Variants in HIVEP1 observed in about 807,000 individuals in gnomAD.
HIVEP1 encodes the protein zinc finger protein 40.
In HIVEP1, 36 loss-of-function variants were observed where a neutral mutation model predicts 180.0. That is an observed-to-expected ratio of 0.20 (90% CI 0.15 to 0.26). The LOEUF is 0.26. HIVEP1 is among the 10% of genes least tolerant of loss of function. The probability of loss-of-function intolerance (pLI) is 1.00; values close to 1 mark genes in which losing one functional copy is unlikely to be tolerated. For synonymous variants in HIVEP1, 1,239 were observed against 1,239.0 expected (o/e 1.00, Z 0.00); for missense variants, 3,143 against 3,268.7 (o/e 0.96, Z 0.94).
chr6:12,042,676 T>A (rs1235297190), intron 2 of HIVEP1, among the ~76,000 whole-genome samples: 2 of 152,092 alleles, frequency 1.3e-5, no homozygotes, highest in African/African-American at 4.8e-5. Context: ...CAAATAGCCC[T>A]TCTAAAGTTT....
intron 4 of HIVEP1, among the ~76,000 whole-genome samples, chr6:12,129,080 C>T (rs1476189868): frequency 6.6e-6 from 1 of 152,064 alleles, no homozygotes; most frequent in Non-Finnish European, 1.5e-5. Context: ...TGTGGTGGCT[C>T]AGGCCTGTGG....
At position 12,123,364 on chromosome 6, in the gene HIVEP1, G is replaced by A. The variant is rs201658718; in HGVS notation, c.3569G>A (p.Gly1190Glu). ...GAGGAAAGTCACCCTTCTCGGGACG[G>A]GTCTCATCCTCACCAGCTTGCACTA... ...SQEESHPSRD[G>E]SHPHQLALSD... is the part of the protein sequence containing the mutation. The change falls in exon 4 of 9, where the codon GGG becomes GAG. Residue 1190 changes from glycine to glutamate, a missense_variant. Gly to Glu is a moderately conservative substitution (Grantham distance 98, BLOSUM62 -2). Around this residue, in one of 12 missense-constraint regions of HIVEP1, gnomAD observed 1,357 missense variants for 1,260.5 expected, o/e 1.08. Coordinates refer to ENST00000379388, the MANE Select transcript of HIVEP1 (RefSeq NM_002114.4). 99 of 1,614,114 alleles carry A rather than the reference G, an allele frequency of 6.1e-5. No homozygotes were observed. In the African/African-American group the frequency reaches 6.4e-4, roughly 10 times the overall value.
chr6:12,179,127 C>T, the HIVEP1 span, among the ~76,000 whole-genome samples: 1 of 152,060 alleles, frequency 6.6e-6, no homozygotes, highest in Non-Finnish European at 1.5e-5. Flanking sequence ...TCTGGACGTC[C>T]CTGGAGAGAC....
chr6:12,011,741 G>C (rs1286973188), upstream of HIVEP1, among the ~76,000 whole-genome samples: 1 of 147,988 alleles, frequency 6.8e-6, no homozygotes, highest in Non-Finnish European at 1.5e-5. Context: ...GGTTCGTGCC[G>C]GGCCGGGCGC....
chr6:12,086,648 A>G (rs1330234422), intron 2 of HIVEP1, among the ~76,000 whole-genome samples: 1 of 152,050 alleles, frequency 6.6e-6, no homozygotes, highest in Non-Finnish European at 1.5e-5. Context: ...ACTGCCTCTT[A>G]TATTGATGAA....
chr6:12,153,600 C>G (rs939573125), intron 7 of HIVEP1, among the ~76,000 whole-genome samples: 2 of 141,324 alleles, frequency 1.4e-5, no homozygotes, highest in Admixed American at 1.4e-4. Flanking sequence ...AAAATAGATA[C>G]AAGATAAGAG....
chr6:12,047,548 A>G (rs1770221276), intron 2 of HIVEP1, among the ~76,000 whole-genome samples: 1 of 152,242 alleles, frequency 6.6e-6, no homozygotes, highest in South Asian at 2.1e-4. Flanking sequence ...CCTAGGTCAC[A>G]TCGCGGGTCT....
At chr6:12,009,761 C>T (rs1003098532), upstream of HIVEP1, among the ~76,000 whole-genome samples, 49 of 152,308 alleles carry the variant, frequency 3.2e-4, no homozygotes, top group African/African-American at 1.1e-3. Flanking sequence ...CAAAAACTTA[C>T]TAGGAAACTA....
chr6:12,069,298 A>C (rs950486747), intron 2 of HIVEP1, among the ~76,000 whole-genome samples: 2 of 152,138 alleles, frequency 1.3e-5, no homozygotes, highest in Admixed American at 6.5e-5. Flanking sequence ...TAAAAGATAA[A>C]AAATTCATAC....
intron 2 of HIVEP1, among the ~76,000 whole-genome samples, chr6:12,044,634 TG>T (rs1280639162): frequency 6.6e-6 from 1 of 150,500 alleles, no homozygotes; most frequent in Admixed American, 6.6e-5. Context: ...CCAGCGCACC[TG>T]TTTACAGCTG....
At chr6:12,032,722 A>C (rs1289613429) in intron 2 of HIVEP1, among the ~76,000 whole-genome samples, 1 of 152,200 alleles carries the variant, frequency 6.6e-6, no homozygotes, top group Non-Finnish European at 1.5e-5. Context: ...ACCCACCCAG[A>C]AAGTTTGTGG....
the HIVEP1 span, among the ~76,000 whole-genome samples, chr6:12,194,007 G>A: frequency 6.6e-5 from 10 of 152,040 alleles, no homozygotes; most frequent in Non-Finnish European, 1.5e-4. Flanking sequence ...GTGTTAAGTA[G>A]GTACATGTGG....
At chr6:12,012,138 A>T (rs1327970643), upstream of HIVEP1, 1 of 57,976 alleles carries the variant, frequency 1.7e-5, no homozygotes, top group Non-Finnish European at 3.7e-5. Context: ...CGCGCCCCCC[A>T]GCCCGGCTGC....
intron 7 of HIVEP1, among the ~76,000 whole-genome samples, chr6:12,158,862 C>G (rs1214124183): frequency 6.6e-6 from 1 of 152,134 alleles, no homozygotes; most frequent in Admixed American, 6.5e-5. Context: ...AGGTGTAGTT[C>G]CTTGCCACTC....
Position 12,124,205 on chromosome 6 carries a change from T to C in HIVEP1, c.4410T>C (p.Thr1470=). The part of the protein sequence containing the change: ...NAVPYQGPQL[T]STSLAEFSAN... ...TGCCATATCAGGGGCCTCAGCTCACTAGTACATCTTTAGCTGAGTTTTCTG... is the reference window on the plus strand; with the variant it reads ...TGCCATATCAGGGGCCTCAGCTCACCAGTACATCTTTAGCTGAGTTTTCTG... Residue 1470 remains threonine, a synonymous_variant, in exon 4 of 9, where the codon ACT becomes ACC. Transcript: ENST00000379388. The C allele has an allele frequency of 6.2e-7, 1 of 1,613,836 alleles. No homozygotes were observed. Among genetic ancestry groups the C allele is most frequent in the Non-Finnish European group, 8.5e-7 (1 of 1,179,722 alleles).
intron 2 of HIVEP1, among the ~76,000 whole-genome samples, chr6:12,041,949 G>A (rs1316908064): frequency 2.0e-5 from 3 of 151,636 alleles, no homozygotes; most frequent in East Asian, 1.9e-4. Context: ...GTGAGTCACC[G>A]TGCCTGGCCA....
chr6:12,129,520 G>A (rs781408242), intron 4 of HIVEP1: 32 of 600,886 alleles, frequency 5.3e-5, no homozygotes, highest in Admixed American at 2.2e-5. Flanking sequence ...CCTTTATTTG[G>A]GGGTGTCAGT....
intron 7 of HIVEP1, among the ~76,000 whole-genome samples, chr6:12,138,827 C>A (rs1233704509): frequency 6.6e-6 from 1 of 151,836 alleles, no homozygotes; most frequent in Non-Finnish European, 1.5e-5. Flanking sequence ...AGCACACTTC[C>A]CCCATAGTCT....
Position 12,164,034 on chromosome 6 carries a change from A to C in HIVEP1, c.7730A>C (p.Lys2577Thr). 6.2e-7 allele frequency: 1 copy of C among 1,614,156 alleles called. No individual in the cohort carries two copies. Among genetic ancestry groups the C allele is most frequent in the South Asian group, 1.1e-5 (1 of 91,086 alleles). Residue 2577 changes from lysine (K) to threonine (T), a missense_variant, in exon 9 of 9, where the codon AAA becomes ACA. Physicochemically the swap from Lys to Thr is moderately conservative, Grantham distance 78. Around this residue, in one of 12 missense-constraint regions of HIVEP1, gnomAD observed 595 missense variants for 602.2 expected, o/e 0.99. Transcript: ENST00000379388. ...GAPEMPASQS[K>T]ACETQPKQTS... is the part of the protein sequence containing the mutation. ...CCAGAAATGCCAGCTTCCCAAAGCA[A>C]AGCATGCGAGACACAACCCAAGCAG...
Sources: gnomAD v4.1 joint callset for allele counts (sites outside exome capture counted in the v4.1 genomes callset) on GRCh38, gnomAD v4.1.1 for gene constraint, gnomAD v4.1.1 regional missense constraint, MANE v1.5 for transcripts, NCBI Gene and HGNC (gene_info 2026-07-23, HGNC 2026-07-21) for gene names.